The following TBCEL variants were observed in gnomAD, a reference collection of about 807,000 sequenced individuals.
TBCEL encodes tubulin-specific chaperone cofactor E-like protein.
In TBCEL, 15 loss-of-function variants were observed where a neutral mutation model predicts 44.2. The ratio of observed to expected loss-of-function variants is 0.34; its 90% CI spans 0.23 to 0.52. TBCEL has a LOEUF of 0.52. Ranked by LOEUF, TBCEL falls within the 20% of genes least tolerant of loss-of-function variation. TBCEL has a pLI of 0.95. For synonymous variants in TBCEL, 171 were observed against 185.4 expected, an observed-to-expected ratio of 0.92 and a Z score of 0.63; for missense variants, 319 against 506.3, an observed-to-expected ratio of 0.63 and a Z score of 3.55.
chr11:121,063,853 A>G (rs922148440), intron 8 of TBCEL, among the ~76,000 whole-genome samples: 3 of 152,110 alleles, frequency 2.0e-5, no homozygotes, highest in Admixed American at 6.5e-5. Flanking sequence ...TGGAAGTTTT[A>G]CTTGTATTTG....
At chr11:121,083,573 T>C (rs115651035) in intron 8 of TBCEL, among the ~76,000 whole-genome samples, 32 of 152,356 alleles carry the variant, frequency 2.1e-4, no homozygotes, top group African/African-American at 7.7e-4. Context: ...AATTTCTGAA[T>C]GTAGGTCATA....
At chr11:121,049,699 A>G (rs1013217508) in intron 4 of TBCEL, among the ~76,000 whole-genome samples, 3 of 151,830 alleles carry the variant, frequency 2.0e-5, no homozygotes, top group Admixed American at 2.0e-4. Flanking sequence ...TGGAAATACA[A>G]AATTTTACAA....
intron 8 of TBCEL, among the ~76,000 whole-genome samples, chr11:121,062,479 T>C (rs1181707706): frequency 1.3e-5 from 2 of 152,146 alleles, no homozygotes; most frequent in Non-Finnish European, 2.9e-5. Context: ...GCTTGAGTTA[T>C]ATGTTGCGTT....
intron 8 of TBCEL, among the ~76,000 whole-genome samples, chr11:121,060,453 T>C (rs1348206036): frequency 6.6e-6 from 1 of 151,914 alleles, no homozygotes; most frequent in Non-Finnish European, 1.5e-5. Flanking sequence ...TTTTAGGATA[T>C]ACTAAGTTCT....
intron 1 of TBCEL, among the ~76,000 whole-genome samples, chr11:121,031,351 G>A (rs1304563423): frequency 1.3e-5 from 2 of 152,108 alleles, no homozygotes; most frequent in Non-Finnish European, 2.9e-5. Flanking sequence ...CCAACACTTG[G>A]TATTGTCAGA....
In TBCEL at chr11:121,087,124, A is replaced by T. The variant is rs762733420; in HGVS notation, c.*28A>T. 8.9e-5 allele frequency: 140 copies of T among 1,576,890 alleles called. No individual in the cohort carries two copies. Among genetic ancestry groups the T allele is most frequent in the Non-Finnish European group, 1.2e-4 (137 of 1,160,792 alleles). Reference sequence around the variant, plus strand: ...TCTACCAGCCTTGTGAAAAACATACACATAAGGACTTGTTGCAGGGCATTT... The same window carrying T: ...TCTACCAGCCTTGTGAAAAACATACTCATAAGGACTTGTTGCAGGGCATTT... On this transcript the variant is annotated 3_prime_UTR_variant, in exon 9 of 9. Transcript: ENST00000683345.
intron 8 of TBCEL, among the ~76,000 whole-genome samples, chr11:121,076,607 A>G (rs1310004799): frequency 6.6e-6 from 1 of 151,958 alleles, no homozygotes; most frequent in African/African-American, 2.4e-5. Context: ...TACTTAGCAC[A>G]GTGTATGTCT....
intron 2 of TBCEL, among the ~76,000 whole-genome samples, chr11:121,041,347 C>A (rs1452884505): frequency 6.6e-6 from 1 of 152,094 alleles, no homozygotes; most frequent in Non-Finnish European, 1.5e-5. Context: ...GTACTGAGCA[C>A]CTTATCCTCC....
chr11:121,063,466 C>G (rs1945762662), intron 8 of TBCEL, among the ~76,000 whole-genome samples: 1 of 152,130 alleles, frequency 6.6e-6, no homozygotes, highest in African/African-American at 2.4e-5. Context: ...AGTTCCCAGT[C>G]TTGGATGTTT....
Position 121,087,024 on chromosome 11 carries a change from C to T in TBCEL, c.1203C>T (p.Tyr401=). 6.2e-7 allele frequency: 1 copy of T among 1,614,120 alleles called. No homozygotes were observed. Among genetic ancestry groups the T allele is most frequent in the Non-Finnish European group, 8.5e-7 (1 of 1,179,982 alleles). The change falls in exon 9 of 9, where the codon TAC becomes TAT. Residue 401 remains tyrosine, a synonymous_variant. Transcript: ENST00000683345. ...CCTTTGGCCCAGAGGAAATGAAGTA[C>T]AGCTCTCGGGCATTGCATTCCTTTG... The part of the protein sequence containing the change: ...EAPFGPEEMK[Y]SSRALHSFGI...
chr11:121,082,861 C>A (rs931891213), intron 8 of TBCEL, among the ~76,000 whole-genome samples: 12 of 152,238 alleles, frequency 7.9e-5, no homozygotes, highest in African/African-American at 2.9e-4. Flanking sequence ...AGCTGCTGTC[C>A]CTGGTGCTGA....
intron 8 of TBCEL, among the ~76,000 whole-genome samples, chr11:121,071,886 AC>A (rs1424882856): frequency 2.0e-5 from 3 of 152,100 alleles, no homozygotes; most frequent in Non-Finnish European, 4.4e-5. Flanking sequence ...CAGACAGAGG[AC>A]CTGCTGTTGT....
chr11:121,053,473 TC>T, intron 4 of TBCEL, 77 bp from the exon 5 acceptor site: 2 of 1,410,784 alleles, frequency 1.4e-6, no homozygotes, highest in South Asian at 2.6e-5. Flanking sequence ...GACCAGCTCC[TC>T]TAGGCTTTCT....
chr11:121,080,912 C>G (rs1946113270), intron 8 of TBCEL, among the ~76,000 whole-genome samples: 1 of 152,162 alleles, frequency 6.6e-6, no homozygotes, highest in African/African-American at 2.4e-5. Flanking sequence ...TGCCATGGAC[C>G]AGGACCTGAG....
At chr11:121,046,411 A>T (rs1403901441) in intron 3 of TBCEL, among the ~76,000 whole-genome samples, 1 of 152,078 alleles carries the variant, frequency 6.6e-6, no homozygotes, top group South Asian at 2.1e-4. Context: ...CTTTTAGCTT[A>T]ATGTTGCCAT....
At chr11:121,080,426 G>A (rs376094366) in intron 8 of TBCEL, among the ~76,000 whole-genome samples, 21 of 152,188 alleles carry the variant, frequency 1.4e-4, no homozygotes, top group African/African-American at 4.6e-4. Flanking sequence ...CCATTGTTGC[G>A]TAGCCACCTG....
intron 8 of TBCEL, among the ~76,000 whole-genome samples, chr11:121,062,315 G>A (rs1435800603): frequency 2.0e-5 from 3 of 151,960 alleles, no homozygotes; most frequent in Non-Finnish European, 4.4e-5. Flanking sequence ...TTTATAAGTA[G>A]GAGTACACCT....
At chr11:121,085,080 C>T (rs924067698) in intron 8 of TBCEL, among the ~76,000 whole-genome samples, 5 of 151,524 alleles carry the variant, frequency 3.3e-5, no homozygotes, top group Non-Finnish European at 2.9e-5. Context: ...ACTCTGTCAC[C>T]CAGGCTGGAG....
chr11:121,030,815 T>C (rs182478269), intron 1 of TBCEL, among the ~76,000 whole-genome samples: 58 of 152,338 alleles, frequency 3.8e-4, no homozygotes, highest in Non-Finnish European at 6.8e-4. Context: ...ATAAGATGGC[T>C]AATTTCCATG....
Sources: gnomAD v4.1 joint callset for allele counts (sites outside exome capture counted in the v4.1 genomes callset) on GRCh38, gnomAD v4.1.1 for gene constraint, MANE v1.5 for transcripts, NCBI Gene and HGNC (gene_info 2026-07-23, HGNC 2026-07-21) for gene names.